Variants in DNAH2 observed in about 807,000 individuals in gnomAD.
DNAH2 encodes the protein axonemal beta dynein heavy chain 2.
In DNAH2, 323 loss-of-function variants were observed where a neutral mutation model predicts 523.5. The observed-to-expected ratio is 0.62, with a 90% CI of 0.56 to 0.68. DNAH2 has a LOEUF of 0.68. Ranked by LOEUF, DNAH2 falls within the 30% of genes least tolerant of loss-of-function variation. DNAH2 has a pLI of 0.00. For missense variants in DNAH2, 4,907 were observed against 5,701.5 expected, an observed-to-expected ratio of 0.86 and a Z score of 4.49; for synonymous variants, 2,093 against 2,177.4, an observed-to-expected ratio of 0.96 and a Z score of 1.08.
chr17:7,823,471 T>C lies in DNAH2; in HGVS notation c.11172T>C (p.Asn3724=), dbSNP rs2077923478. The C allele has an allele frequency of 6.2e-7, 1 of 1,613,796 alleles. No homozygotes were observed. Among genetic ancestry groups the C allele is most frequent in the Admixed American group, 1.7e-5 (1 of 59,978 alleles). Residue 3724 remains asparagine, a synonymous_variant, in exon 74 of 86, where the codon AAT becomes AAC. Coordinates refer to ENST00000572933, the MANE Select transcript of DNAH2 (RefSeq NM_020877.5). The part of the protein sequence containing the change: ...VVLDREGQMD[N]PCSSWLADAY... ...TGGATCGGGAGGGCCAAATGGACAA[T>C]CCATGTAGTAGCTGGCTTGCAGATG...
At chr17:7,747,688 C>G (rs1284911592) in intron 12 of DNAH2, among the ~76,000 whole-genome samples, 1 of 152,124 alleles carries the variant, frequency 6.6e-6, no homozygotes, top group African/African-American at 2.4e-5. Flanking sequence ...TATCTGAAAT[C>G]CAAATAATGG....
In DNAH2 at chr17:7,768,280, C is replaced by T. The variant is rs774897981; in HGVS notation, c.3941+13C>T. The T allele has an allele frequency of 1.9e-6, 3 of 1,614,066 alleles. No individual in the cohort carries two copies. Among genetic ancestry groups the T allele is most frequent in the South Asian group, 1.1e-5 (1 of 91,084 alleles). On this transcript the variant is annotated intron_variant, in intron 24 of 85. Coordinates refer to ENST00000572933, the MANE Select transcript of DNAH2 (RefSeq NM_020877.5). ...CCCTTAGAGAGAGGTGAGGCTTCTC[C>T]TCTGCTCCGGGGTGTCCACTCTGCC...
chr17:7,758,570 C>T lies in DNAH2; in HGVS notation c.2127C>T (p.His709=), dbSNP rs748089871. 1 of 1,614,182 alleles carries T rather than the reference C, an allele frequency of 6.2e-7. No homozygotes were observed. The highest frequency in any genetic ancestry group is 1.1e-5 in the South Asian group (1 of 91,084). ...TTCGGCTCCTGGATAAGAAGATCCACCCGGGACTCAAGAAACTGCACTGGG... is the reference window on the plus strand; with the variant it reads ...TTCGGCTCCTGGATAAGAAGATCCATCCGGGACTCAAGAAACTGCACTGGG... ...ERIRLLDKKI[H]PGLKKLHWAL... The change falls in exon 14 of 86, where the codon CAC becomes CAT. Residue 709 remains histidine, a synonymous_variant. Transcript: ENST00000572933.
At chr17:7,747,636 C>T (rs184401518) in intron 12 of DNAH2, among the ~76,000 whole-genome samples, 13 of 152,274 alleles carry the variant, frequency 8.5e-5, no homozygotes, top group Middle Eastern at 3.4e-3. Flanking sequence ...GATAGTAGAG[C>T]TTATCAAGGC....
In DNAH2 at chr17:7,823,637, C is replaced by T. The variant is rs1414513924; in HGVS notation, c.11329+9C>T. The T allele has an allele frequency of 3.1e-6, 5 of 1,612,610 alleles. No homozygotes were observed. The highest frequency in any genetic ancestry group is 2.2e-5 in the East Asian group (1 of 44,878). The stretch of plus-strand genomic sequence containing the variant: ...GAAGGCGATGCTGCCAGGTACCAGG[C>T]GTCTGTGTCCCACTCTCACTTTTCT... On this transcript the variant is annotated intron_variant, in intron 74 of 85. Transcript: ENST00000572933.
At chr17:7,723,516 C>T in intron 2 of DNAH2, 112 bp from the exon 3 acceptor site, 1 of 818,610 alleles carries the variant, frequency 1.2e-6, no homozygotes, top group Non-Finnish European at 2.1e-6. Context: ...AGGTGATCCT[C>T]CCGCCTAGTA....
At chr17:7,823,332 A>C in intron 73 of DNAH2, 110 bp from the exon 74 acceptor site, 1 of 1,033,060 alleles carries the variant, frequency 9.7e-7, no homozygotes, top group Non-Finnish European at 1.4e-6. Context: ...TTTCCCACCG[A>C]GAGAGAGAAA....
intron 61 of DNAH2, among the ~76,000 whole-genome samples, chr17:7,806,385 C>T (rs561160117): frequency 6.1e-4 from 93 of 152,180 alleles, no homozygotes; most frequent in African/African-American, 1.9e-3. Context: ...GGGCCAGGCA[C>T]GGTGGCTCAC....
chr17:7,807,236 G>C lies in DNAH2; in HGVS notation c.9529G>C (p.Ala3177Pro). The change falls in exon 62 of 86, where the codon GCC becomes CCC. Residue 3177 changes from alanine (A) to proline (P), a missense_variant. Ala to Pro is a conservative substitution (Grantham distance 27). Coordinates refer to ENST00000572933, the MANE Select transcript of DNAH2 (RefSeq NM_020877.5). The surrounding 1 kb of genome is among the most constrained non-coding windows in gnomAD (Gnocchi z 5.6). ...KVLKKIGAYC[A>P]QPDFQPDIIG... is the part of the protein sequence containing the mutation. ...TCTGAAGAAGATTGGGGCCTACTGC[G>C]CCCAGCCTGACTTCCAGCCTGATAT... 6.2e-7 allele frequency: 1 copy of C among 1,613,786 alleles called. No homozygotes were observed. The highest frequency in any genetic ancestry group is 8.5e-7 in the Non-Finnish European group (1 of 1,180,042).
chr17:7,783,372 G>A (rs1034313453), intron 39 of DNAH2, among the ~76,000 whole-genome samples: 2 of 152,076 alleles, frequency 1.3e-5, no homozygotes, highest in African/African-American at 4.8e-5. Context: ...CCACTGCGCC[G>A]GGCCAGGATG....
rs112141567 is a variant in DNAH2, at chr17:7,739,414, A to G, written c.1171-319A>G. ...GAGAGAGACTCTGTCTCAAAAAAATAAAAGAAAAGAAAATTGCACTTACCA... is the reference window on the plus strand; with the variant it reads ...GAGAGAGACTCTGTCTCAAAAAAATGAAAGAAAAGAAAATTGCACTTACCA... On this transcript the variant is annotated intron_variant, in intron 8 of 85. Transcript: ENST00000572933. 4.9e-3 allele frequency among the ~76,000 whole-genome samples: 746 copies of G among 152,304 alleles called. 4 individuals carry two copies. Among genetic ancestry groups the G allele is most frequent in the Non-Finnish European group, 8.2e-3 (555 of 68,018 alleles).
chr17:7,759,283 A>T, intron 15 of DNAH2, 139 bp from the exon 16 acceptor site: 1 of 1,423,014 alleles, frequency 7.0e-7, no homozygotes, highest in Non-Finnish European at 9.4e-7. Context: ...TTCAGTCCTC[A>T]CACCTCTTCC....
chr17:7,740,688 C>G (rs1366703763), intron 10 of DNAH2, 122 bp from the exon 11 acceptor site: 1 of 1,530,124 alleles, frequency 6.5e-7, no homozygotes, highest in African/African-American at 1.4e-5. Flanking sequence ...CTTCTGTTCC[C>G]TGGCTTCGGC....
At chr17:7,761,325 T>C (rs2075998812) in intron 18 of DNAH2, among the ~76,000 whole-genome samples, 1 of 152,172 alleles carries the variant, frequency 6.6e-6, no homozygotes, top group Non-Finnish European at 1.5e-5. Flanking sequence ...TGGAGTGCAG[T>C]GGTGTGGTCA....
Position 7,777,427 on chromosome 17 carries a change from C to T in DNAH2, c.5059-19C>T, listed in dbSNP as rs1283866419. On this transcript the variant is annotated intron_variant, in intron 32 of 85. Coordinates refer to ENST00000572933, the MANE Select transcript of DNAH2 (RefSeq NM_020877.5). ...GGCATTGCTCTGTCTGCTCTCTTCC[C>T]TGCTGCTTCATGCCACAGGTGTCAA... 3 of 1,613,930 alleles carry T rather than the reference C, an allele frequency of 1.9e-6. No individual in the cohort carries two copies. Among genetic ancestry groups the T allele is most frequent in the East Asian group, 2.2e-5 (1 of 44,872 alleles).
In DNAH2 at chr17:7,734,557, A is replaced by G. The variant is rs1270532880; in HGVS notation, c.827A>G (p.Glu276Gly). 6.2e-7 allele frequency: 1 copy of G among 1,613,646 alleles called. No homozygotes were observed. Among genetic ancestry groups the G allele is most frequent in the South Asian group, 1.1e-5 (1 of 91,014 alleles). Residue 276 changes from glutamate to glycine, a missense_variant, in exon 7 of 86, where the codon GAG becomes GGG. Coordinates refer to ENST00000572933, the MANE Select transcript of DNAH2 (RefSeq NM_020877.5). Reference sequence around the variant, plus strand: ...ACAGGAGAAAATTTAGGTCCTCTGGAGGAGATTGAGTTCTGGCGCAACCGA... The same window carrying G: ...ACAGGAGAAAATTTAGGTCCTCTGGGGGAGATTGAGTTCTGGCGCAACCGA... The part of the protein sequence containing the change: ...VETGENLGPL[E>G]EIEFWRNRCM...
chr17:7,733,993 A>G (rs997088415), intron 5 of DNAH2, among the ~76,000 whole-genome samples, 190 bp from the exon 6 acceptor site: 4 of 151,982 alleles, frequency 2.6e-5, no homozygotes, highest in Non-Finnish European at 5.9e-5. Flanking sequence ...TCTTGTTATA[A>G]CTCCATGAGG....
intron 50 of DNAH2, 72 bp downstream of exon 50, chr17:7,796,724 G>A: frequency 1.3e-6 from 2 of 1,506,798 alleles, no homozygotes; most frequent in Non-Finnish European, 1.8e-6. Flanking sequence ...CTCAAACTAA[G>A]CCTTAACACT....
chr17:7,801,438 G>C, intron 56 of DNAH2, 140 bp from the exon 57 acceptor site: 3 of 1,219,260 alleles, frequency 2.5e-6, no homozygotes, highest in Non-Finnish European at 3.5e-6. Flanking sequence ...TGCAGGAACA[G>C]AATTTGGACA....
Sources: gnomAD v4.1 joint callset for allele counts (sites outside exome capture counted in the v4.1 genomes callset) on GRCh38, gnomAD v4.1.1 for gene constraint, Gnocchi (gnomAD v3.1) non-coding constraint, MANE v1.5 for transcripts, NCBI Gene and HGNC (gene_info 2026-07-23, HGNC 2026-07-21) for gene names.